MGA: variants seen among roughly 807,000 people sequenced by gnomAD.
The protein encoded by MGA is MAX dimerization protein MGA.
Under a neutral mutation model 261.1 loss-of-function variants are expected in MGA, and 40 were observed. The ratio of observed to expected loss-of-function variants is 0.15; its 90% CI spans 0.12 to 0.20. The LOEUF is 0.20. Among genes scored for constraint, MGA ranks in the 10% least tolerant of loss-of-function variants. The pLI is 1.00. For synonymous variants in MGA, 1,302 were observed against 1,290.6 expected (o/e 1.01, Z -0.19); for missense variants, 3,397 against 3,630.5 (o/e 0.94, Z 1.65).
intron 2 of MGA, chr15:41,691,826 T>C (rs1290759045): frequency 1.6e-5 from 3 of 182,282 alleles, no homozygotes; most frequent in African/African-American, 7.1e-5. Context: ...TGTCTGTTTT[T>C]CCCTCTGCTG....
At chr15:41,688,059 G>T (rs1025451982) in intron 2 of MGA, among the ~76,000 whole-genome samples, 2 of 152,044 alleles carry the variant, frequency 1.3e-5, no homozygotes, top group Non-Finnish European at 2.9e-5. Flanking sequence ...TTTTAATTAT[G>T]TGCCTCTTTA....
At chr15:41,661,665 G>C (rs1289657054) in intron 1 of MGA, among the ~76,000 whole-genome samples, 3 of 152,116 alleles carry the variant, frequency 2.0e-5, no homozygotes, top group Non-Finnish European at 4.4e-5. Context: ...GAGAAGTCTC[G>C]AGCCCACCCG....
At chr15:41,755,303 C>CT (rs1301004320) in intron 18 of MGA, among the ~76,000 whole-genome samples, 1 of 152,178 alleles carries the variant, frequency 6.6e-6, no homozygotes, top group Non-Finnish European at 1.5e-5. Context: ...TTCGTTCCTA[C>CT]TGATGCTGAG....
chr15:41,767,310 T>C lies in MGA; in HGVS notation c.*30T>C. 6.4e-7 allele frequency: 1 copy of C among 1,570,778 alleles called. No homozygotes were observed. On this transcript the variant is annotated 3_prime_UTR_variant, in exon 24 of 24. Coordinates refer to ENST00000219905, the MANE Select transcript of MGA (RefSeq NM_001164273.2). ...ACTTGTCCTTAAGCAGAAGCCAGGCTGTGAGGGGAAATAGATCTCACCTCC... is the reference window on the plus strand; with the variant it reads ...ACTTGTCCTTAAGCAGAAGCCAGGCCGTGAGGGGAAATAGATCTCACCTCC...
In MGA at chr15:41,769,505, T is replaced by G. The variant is rs1300399242; in HGVS notation, c.*2225T>G. On this transcript the variant is annotated 3_prime_UTR_variant, in exon 24 of 24. Coordinates refer to ENST00000219905, the MANE Select transcript of MGA (RefSeq NM_001164273.2). ...TCTTAGAACTAGGTGTTGTCAGGGATAATTTGAGGAGGGCTTAGTCTTCAG... is the reference window on the plus strand; with the variant it reads ...TCTTAGAACTAGGTGTTGTCAGGGAGAATTTGAGGAGGGCTTAGTCTTCAG... 2.6e-5 allele frequency: 4 copies of G among 152,092 alleles called. No homozygotes were observed. Among genetic ancestry groups the G allele is most frequent in the Non-Finnish European group, 5.9e-5 (4 of 68,004 alleles). 9.4% of individuals were successfully genotyped at this position (152,092 alleles called of 1,614,324 possible).
Position 41,749,890 on chromosome 15 carries a change from A to G in MGA, c.6283A>G (p.Asn2095Asp), listed in dbSNP as rs2062739833. The G allele has an allele frequency of 6.2e-7, 1 of 1,613,992 alleles. No individual in the cohort carries two copies. Among genetic ancestry groups the G allele is most frequent in the Non-Finnish European group, 8.5e-7 (1 of 1,179,894 alleles). Reference sequence around the variant, plus strand: ...TAGGACCATTTCTGAAAAAGCCAGTAATAAGACAGTCCAAAATTTAAGTAA... The same window carrying G: ...TAGGACCATTTCTGAAAAAGCCAGTGATAAGACAGTCCAAAATTTAAGTAA... Residue 2095 changes from asparagine to aspartate, a missense_variant, in exon 17 of 24, where the codon AAT becomes GAT. Physicochemically the swap from Asn to Asp is conservative, Grantham distance 23. Around this residue, in one of 9 missense-constraint regions of MGA, gnomAD observed 1,410 missense variants for 1,386.4 expected, o/e 1.02. Transcript: ENST00000219905.
At chr15:41,745,691 AC>A (rs2062423298) in intron 15 of MGA, among the ~76,000 whole-genome samples, 1 of 152,076 alleles carries the variant, frequency 6.6e-6, no homozygotes, top group Non-Finnish European at 1.5e-5. Context: ...TGCAGCCTCT[AC>A]ATCTCAGGCT....
chr15:41,677,315 T>C (rs1443275756), intron 2 of MGA, among the ~76,000 whole-genome samples: 2 of 152,158 alleles, frequency 1.3e-5, no homozygotes, highest in Admixed American at 1.3e-4. Context: ...CTAATTTTTG[T>C]ATTTTTATTA....
In MGA at chr15:41,638,658, G is replaced by A. The variant is rs2056758045; in HGVS notation, c.-68+17360G>A. 2.7e-5 allele frequency among the ~76,000 whole-genome samples: 4 copies of A among 149,524 alleles called. No homozygotes were observed. The South Asian group carries it at 8.6e-4, about 32-fold the overall frequency. On this transcript the variant is annotated intron_variant, in intron 1 of 8. Transcript: ENST00000566718. ...CAAAGTGTTGGGATAACAGGTGTGA[G>A]CTATTTTACCTGGCCTTTCTTTTCT... is the stretch of plus-strand genomic sequence containing the variant.
chr15:41,650,703 G>A (rs1469199999), intron 1 of MGA, among the ~76,000 whole-genome samples: 2 of 152,132 alleles, frequency 1.3e-5, no homozygotes, highest in Non-Finnish European at 2.9e-5. Context: ...CTCCAAAAGT[G>A]CTGAGATTAC....
chr15:41,643,532 G>A (rs1015496366), intron 1 of MGA, among the ~76,000 whole-genome samples: 13 of 151,938 alleles, frequency 8.6e-5, no homozygotes, highest in Admixed American at 6.6e-5. Context: ...GAGCCACTGC[G>A]CCTGGCCCTG....
intron 1 of MGA, among the ~76,000 whole-genome samples, chr15:41,662,441 T>C (rs1404422556): frequency 6.6e-6 from 1 of 152,192 alleles, no homozygotes; most frequent in East Asian, 1.9e-4. Context: ...ATTCTGTGCC[T>C]TAAAACCTAA....
rs765876261 is a variant in MGA at position 41,696,953 on chromosome 15, G to A, written c.1943G>A (p.Ser648Asn). ...AAGAATACACCTGTAAGCCCTGGGAGTACCTTTCCAGATGTGAAGCCTGAT... is the reference window on the plus strand; with the variant it reads ...AAGAATACACCTGTAAGCCCTGGGAATACCTTTCCAGATGTGAAGCCTGAT... The change falls in exon 3 of 24, where the codon AGT becomes AAT. Residue 648 changes from serine (S) to asparagine (N), a missense_variant. Physicochemically the swap from Ser to Asn is conservative, Grantham distance 46. Transcript: ENST00000219905. 4 of 1,604,018 alleles carry A rather than the reference G, an allele frequency of 2.5e-6. No individual in the cohort carries two copies. The highest frequency in any genetic ancestry group is 2.2e-5 in the South Asian group (2 of 89,114).
upstream of MGA, among the ~76,000 whole-genome samples, chr15:41,656,628 T>C (rs765779640): frequency 6.6e-6 from 1 of 152,072 alleles, no homozygotes; most frequent in African/African-American, 2.4e-5. Flanking sequence ...CCCAAAGTTC[T>C]GGGATTACAG....
chr15:41,740,812 C>T (rs539805813), intron 14 of MGA, among the ~76,000 whole-genome samples: 1 of 152,278 alleles, frequency 6.6e-6, no homozygotes, highest in East Asian at 1.9e-4. Context: ...TGATTTATTC[C>T]ATTCATCTCT....
In MGA at chr15:41,736,597, C is replaced by T. The variant is rs2061789503; in HGVS notation, c.4333C>T (p.His1445Tyr). ...CCTGGATTCAGTGAGGGAGAGATTA[C>T]ATGGAGGCAAAGGTCTGCCTTTTTA... The change falls in exon 13 of 24, where the codon CAT becomes TAT. Residue 1445 changes from histidine (H) to tyrosine (Y), a missense_variant. Transcript: ENST00000219905. 2 of 1,613,992 alleles carry T rather than the reference C, an allele frequency of 1.2e-6. No homozygotes were observed. The highest frequency in any genetic ancestry group is 8.5e-7 in the Non-Finnish European group (1 of 1,179,894).
chr15:41,717,240 A>G (rs376840228), intron 9 of MGA, among the ~76,000 whole-genome samples: 15 of 152,300 alleles, frequency 9.8e-5, no homozygotes, highest in South Asian at 4.1e-4. Flanking sequence ...TGGTTTGTCA[A>G]AAAATACTGC....
chr15:41,718,307 A>G (rs536975973), intron 9 of MGA: 4,644 of 207,712 alleles, frequency 0.022, 75 homozygotes, highest in East Asian at 0.098. Flanking sequence ...GTGTGTATAT[A>G]TATATATATA....
At chr15:41,658,732 A>G (rs2057263115), upstream of MGA, among the ~76,000 whole-genome samples, 1 of 150,114 alleles carries the variant, frequency 6.7e-6, no homozygotes, top group Non-Finnish European at 1.5e-5. Context: ...TTTTTAAAGT[A>G]TCTAGTATTT....
Sources: gnomAD v4.1 joint callset for allele counts (sites outside exome capture counted in the v4.1 genomes callset) on GRCh38, gnomAD v4.1.1 for gene constraint, gnomAD v4.1.1 regional missense constraint, MANE v1.5 for transcripts, NCBI Gene and HGNC (gene_info 2026-07-23, HGNC 2026-07-21) for gene names.